Variants in ITPKB observed in about 807,000 individuals in gnomAD.
ITPKB encodes IP3 3-kinase B.
In ITPKB, 13 loss-of-function variants were observed where a neutral mutation model predicts 69.4. The observed-to-expected ratio is 0.19, with a 90% CI of 0.12 to 0.30. The LOEUF is 0.30. Ranked by LOEUF, ITPKB falls within the 10% of genes least tolerant of loss-of-function variation. The probability of loss-of-function intolerance (pLI) is 1.00; values close to 1 mark genes in which losing one functional copy is unlikely to be tolerated. For missense variants in ITPKB, 1,240 were observed against 1,250.5 expected (o/e 0.99, Z 0.13); for synonymous variants, 584 against 513.7 (o/e 1.14, Z -1.85).
intron 7 of ITPKB, among the ~76,000 whole-genome samples, chr1:226,635,391 T>C (rs2102736160): frequency 6.6e-6 from 1 of 152,208 alleles, no homozygotes; most frequent in East Asian, 1.9e-4. Context: ...CGGCTAACTT[T>C]TTGTTTTTTA....
At chr1:226,732,205 C>T (rs899983480) in intron 2 of ITPKB, among the ~76,000 whole-genome samples, 9 of 150,810 alleles carry the variant, frequency 6.0e-5, no homozygotes, top group African/African-American at 2.2e-4. Flanking sequence ...TCTTTATACA[C>T]CCCACAGGTA....
chr1:226,679,269 C>T (rs1656009230), intron 2 of ITPKB, among the ~76,000 whole-genome samples: 1 of 152,204 alleles, frequency 6.6e-6, no homozygotes, highest in Non-Finnish European at 1.5e-5. Context: ...CTCCCTGTCT[C>T]CCCTCTTCCC....
chr1:226,666,660 C>G (rs184931616), intron 2 of ITPKB, among the ~76,000 whole-genome samples: 4 of 152,198 alleles, frequency 2.6e-5, no homozygotes, highest in Admixed American at 6.5e-5. Context: ...ACTCTCCCTA[C>G]GGCTAGCACC....
At chr1:226,654,564 C>G (rs1455171915) in intron 2 of ITPKB, among the ~76,000 whole-genome samples, 1 of 152,184 alleles carries the variant, frequency 6.6e-6, no homozygotes, top group African/African-American at 2.4e-5. Flanking sequence ...TAAAACAGAC[C>G]CAGGGTTCTG....
rs190143718 is a variant in ITPKB, at chr1:226,738,856, C to G, written c.-206+185G>C. ...TAGGAGAAATGCGGAGACCTCGTCT[C>G]TCCCTATTTTCTCCCCACCGCCACT... On this transcript the variant is annotated intron_variant, in intron 1 of 7. Coordinates refer to ENST00000429204, the MANE Select transcript of ITPKB (RefSeq NM_002221.4). This position sits in a 1 kb window ranked among gnomAD's most constrained non-coding sequence, Gnocchi z 4.2. Among the ~76,000 whole-genome samples the G allele has an allele frequency of 7.1e-4, 108 of 152,278 alleles. No individual in the cohort carries two copies. Among genetic ancestry groups the G allele is most frequent in the African/African-American group, 2.6e-3 (107 of 41,558 alleles).
intron 2 of ITPKB, among the ~76,000 whole-genome samples, chr1:226,735,173 A>G (rs1350695190): frequency 3.3e-5 from 5 of 152,274 alleles, no homozygotes; most frequent in Non-Finnish European, 7.3e-5. Context: ...TACACTCAGT[A>G]GCTCAGTTCA....
At chr1:226,681,392 T>C (rs566548272) in intron 2 of ITPKB, among the ~76,000 whole-genome samples, 1 of 152,324 alleles carries the variant, frequency 6.6e-6, no homozygotes, top group East Asian at 1.9e-4. Flanking sequence ...GTGTTGAGTG[T>C]GTTCTCTGAG....
At chr1:226,645,342 A>T (rs1464919944) in intron 4 of ITPKB, among the ~76,000 whole-genome samples, 1 of 151,554 alleles carries the variant, frequency 6.6e-6, no homozygotes, top group African/African-American at 2.4e-5. Flanking sequence ...AGCCACGGTC[A>T]CTCTAGATCT....
chr1:226,672,018 T>G (rs1030913663), intron 2 of ITPKB, among the ~76,000 whole-genome samples: 8 of 152,162 alleles, frequency 5.3e-5, no homozygotes, highest in African/African-American at 1.9e-4. Context: ...GCTGCTTCTG[T>G]GTGTACACCT....
At position 226,637,326 on chromosome 1, in the gene ITPKB, C is replaced by T. The variant is rs573022208; in HGVS notation, c.2625+353G>A. On this transcript the variant is annotated intron_variant, in intron 7 of 7. Coordinates refer to ENST00000429204, the MANE Select transcript of ITPKB (RefSeq NM_002221.4). This position sits in a 1 kb window ranked among gnomAD's most constrained non-coding sequence, Gnocchi z 4.3. ...CTCATCTGAAGATGTAGGTGGCGGT[C>T]GGCGGGTGCCTGGCTACTCTAGCAG... Among the ~76,000 whole-genome samples the T allele has an allele frequency of 1.3e-4, 20 of 152,302 alleles. No individual in the cohort carries two copies. Among genetic ancestry groups the T allele is most frequent in the South Asian group, 4.2e-4 (2 of 4,816 alleles).
intron 2 of ITPKB, among the ~76,000 whole-genome samples, chr1:226,681,183 G>C (rs1656085416): frequency 6.6e-6 from 1 of 152,144 alleles, no homozygotes; most frequent in Non-Finnish European, 1.5e-5. Flanking sequence ...GTGCTTCTCA[G>C]TCCACAGACA....
chr1:226,685,688 A>AG (rs1376242430), intron 2 of ITPKB, among the ~76,000 whole-genome samples: 1 of 152,214 alleles, frequency 6.6e-6, no homozygotes, highest in Non-Finnish European at 1.5e-5. Context: ...CACGTCCTCA[A>AG]GGGCAGGCAC....
At chr1:226,690,807 A>C (rs1656332234) in intron 2 of ITPKB, among the ~76,000 whole-genome samples, 1 of 152,232 alleles carries the variant, frequency 6.6e-6, no homozygotes, top group Non-Finnish European at 1.5e-5. Flanking sequence ...AAAAGGTGGA[A>C]GCAAGCCAAG....
rs149648336 is a variant in ITPKB at position 226,702,571 on chromosome 1, G to A, written c.1932+32956C>T. ...ACTGGCACTAGGCCTAGAGAGAGATGACCAAAATTGACTACGCTTGCACAG... is the reference window on the plus strand; with the variant it reads ...ACTGGCACTAGGCCTAGAGAGAGATAACCAAAATTGACTACGCTTGCACAG... On this transcript the variant is annotated intron_variant, in intron 2 of 7. Transcript: ENST00000429204. Among the ~76,000 whole-genome samples the A allele has an allele frequency of 4.8e-3, 727 of 152,310 alleles. 10 individuals are homozygous for A. Among genetic ancestry groups the A allele is most frequent in the African/African-American group, 0.016 (675 of 41,564 alleles).
In ITPKB at chr1:226,738,109, T is replaced by A. The variant is rs1416229659; in HGVS notation, c.-205-446A>T. On this transcript the variant is annotated intron_variant, in intron 1 of 7. Coordinates refer to ENST00000429204, the MANE Select transcript of ITPKB (RefSeq NM_002221.4). The surrounding 1 kb of genome is among the most constrained non-coding windows in gnomAD (Gnocchi z 4.2). ...CAGGGCAACCCGGCAGCCCTCGCCC[T>A]GGGCTTCAGGGTCTCCCTGCTCCAC... Among the ~76,000 whole-genome samples, 1 of 152,088 alleles carries A rather than the reference T, an allele frequency of 6.6e-6. No homozygotes were observed. The highest frequency in any genetic ancestry group is 1.5e-5 in the Non-Finnish European group (1 of 67,976).
intron 2 of ITPKB, among the ~76,000 whole-genome samples, chr1:226,684,687 G>A (rs1656161411): frequency 6.6e-6 from 1 of 152,208 alleles, no homozygotes; most frequent in Admixed American, 6.5e-5. Context: ...CTCAGGCCTT[G>A]TGCTTTTCAA....
intron 2 of ITPKB, among the ~76,000 whole-genome samples, chr1:226,666,244 C>T (rs1465855122): frequency 3.9e-5 from 6 of 152,162 alleles, no homozygotes; most frequent in South Asian, 2.1e-4. Flanking sequence ...TGGTGCCTGT[C>T]GTGGCAGCAA....
intron 2 of ITPKB, among the ~76,000 whole-genome samples, chr1:226,670,536 T>TCAGTCCTTAACTATCAGGGTTAAGAA (rs1558080807): frequency 6.6e-6 from 1 of 152,230 alleles, no homozygotes; most frequent in African/African-American, 2.4e-5. Flanking sequence ...GATGGATCGT[T>TCAGTCCTTAACTATCAGGGTTAAGAA]CAGTCCTTAA....
At position 226,738,716 on chromosome 1, in the gene ITPKB, T is replaced by G. The variant is rs1657898605; in HGVS notation, c.-206+325A>C. On this transcript the variant is annotated intron_variant, in intron 1 of 7. Coordinates refer to ENST00000429204, the MANE Select transcript of ITPKB (RefSeq NM_002221.4). This position sits in a 1 kb window ranked among gnomAD's most constrained non-coding sequence, Gnocchi z 4.2. ...GCAGCGCCGCGGAGCGCAGGGCTTC[T>G]CCGCATCCCGGGCAGCCTCGCCCGG... Among the ~76,000 whole-genome samples, 1 of 152,108 alleles carries G rather than the reference T, an allele frequency of 6.6e-6. No homozygotes were observed. Among genetic ancestry groups the G allele is most frequent in the African/African-American group, 2.4e-5 (1 of 41,432 alleles).
Sources: gnomAD v4.1 joint callset for allele counts (sites outside exome capture counted in the v4.1 genomes callset) on GRCh38, gnomAD v4.1.1 for gene constraint, Gnocchi (gnomAD v3.1) non-coding constraint, MANE v1.5 for transcripts, NCBI Gene and HGNC (gene_info 2026-07-23, HGNC 2026-07-21) for gene names.